GULP1: variants seen among roughly 807,000 people sequenced by gnomAD.
The protein encoded by GULP1 is GULP PTB domain containing engulfment adaptor 1.
A neutral mutation model predicts 40.9 loss-of-function variants in GULP1; 19 were observed. The observed-to-expected ratio is 0.46, with a 90% confidence interval of 0.32 to 0.68. The LOEUF is 0.68. Among genes scored for constraint, GULP1 ranks in the 30% least tolerant of loss-of-function variants. The probability of loss-of-function intolerance (pLI) is 0.03; values close to 1 mark genes in which losing one functional copy is unlikely to be tolerated. For missense variants in GULP1, 312 were observed against 362.2 expected (o/e 0.86, Z 1.12); for synonymous variants, 119 against 117.6 (o/e 1.01, Z -0.08).
intron 11 of GULP1, chr2:188,590,856 A>G (rs561593866): frequency 6.6e-5 from 10 of 152,286 alleles, no homozygotes; most frequent in Non-Finnish European, 1.2e-4. Flanking sequence ...TCAGCTAGCT[A>G]GTACTCTGGG....
At chr2:188,487,670 G>T (rs1417648088) in intron 4 of GULP1, among the ~76,000 whole-genome samples, 1 of 151,856 alleles carries the variant, frequency 6.6e-6, no homozygotes, top group Non-Finnish European at 1.5e-5. Flanking sequence ...TCAAAACCAT[G>T]TCAGGGAGTT....
At chr2:188,366,800 A>C (rs2046861613) in intron 1 of GULP1, among the ~76,000 whole-genome samples, 1 of 151,950 alleles carries the variant, frequency 6.6e-6, no homozygotes. Context: ...TCACCGTGTT[A>C]GCCAGGATGG....
chr2:188,531,663 A>G (rs1318369608), intron 6 of GULP1, among the ~76,000 whole-genome samples: 1 of 152,224 alleles, frequency 6.6e-6, no homozygotes, highest in Non-Finnish European at 1.5e-5. Context: ...TGATTCAAGC[A>G]TATAATGGGA....
chr2:188,426,007 C>T (rs958460019), intron 2 of GULP1, among the ~76,000 whole-genome samples: 1 of 152,070 alleles, frequency 6.6e-6, no homozygotes, highest in Non-Finnish European at 1.5e-5. Flanking sequence ...TCTCAGGAAG[C>T]CCTAAGAACA....
chr2:188,575,211 T>A (rs1699930136), intron 9 of GULP1, among the ~76,000 whole-genome samples: 1 of 152,210 alleles, frequency 6.6e-6, no homozygotes, highest in Admixed American at 6.5e-5. Context: ...TTCTTAGTAG[T>A]AGACCGTATG....
At chr2:188,567,669 G>A (rs1457860609) in intron 7 of GULP1, among the ~76,000 whole-genome samples, 1 of 151,984 alleles carries the variant, frequency 6.6e-6, no homozygotes, top group Non-Finnish European at 1.5e-5. Flanking sequence ...GGAACTTAGA[G>A]GATGGGTCAA....
At chr2:188,320,720 A>G (rs1045912988) in intron 1 of GULP1, among the ~76,000 whole-genome samples, 4 of 152,148 alleles carry the variant, frequency 2.6e-5, no homozygotes, top group Non-Finnish European at 4.4e-5. Context: ...ATCCTTCAAC[A>G]TTCATCTTCT....
chr2:188,380,775 A>G (rs13387350), intron 1 of GULP1, among the ~76,000 whole-genome samples: 27,066 of 152,060 alleles, frequency 0.18, 2,474 homozygotes, highest in East Asian at 0.25. Flanking sequence ...TATGATGACA[A>G]GTAGAAATAC....
Position 188,587,846 on chromosome 2 carries a change from T to C in GULP1, c.749-9T>C. ...TATTTCATTTACTAAATTATTTCCT[T>C]CCTTGCAGAACGGGACCTGTTTGGA... On this transcript the variant is annotated splice_polypyrimidine_tract_variant and intron_variant, in intron 10 of 11. Coordinates refer to ENST00000409830, the MANE Select transcript of GULP1 (RefSeq NM_016315.4). The C allele has an allele frequency of 6.6e-7, 1 of 1,512,664 alleles. No homozygotes were observed. Among genetic ancestry groups the C allele is most frequent in the Non-Finnish European group, 9.1e-7 (1 of 1,095,722 alleles). 93.7% of individuals were successfully genotyped at this position (1,512,664 alleles called of 1,614,324 possible). A position where few individuals can be genotyped will look rare whatever the true frequency, so the allele number is the denominator to read the frequency against.
chr2:188,372,484 G>A (rs1241353080), intron 1 of GULP1, among the ~76,000 whole-genome samples: 1 of 152,018 alleles, frequency 6.6e-6, no homozygotes, highest in African/African-American at 2.4e-5. Flanking sequence ...TGCCTTTTCA[G>A]CATGTCATAA....
At chr2:188,431,446 A>G (rs973881801) in intron 2 of GULP1, among the ~76,000 whole-genome samples, 4 of 152,200 alleles carry the variant, frequency 2.6e-5, no homozygotes, top group Admixed American at 1.3e-4. Flanking sequence ...CTGAACTTTT[A>G]AAATATCAAT....
intron 2 of GULP1, among the ~76,000 whole-genome samples, chr2:188,395,480 C>T (rs1302437953): frequency 6.6e-6 from 1 of 152,150 alleles, no homozygotes; most frequent in East Asian, 1.9e-4. Context: ...AAAACAAGTC[C>T]TCTTCTCCAA....
intron 1 of GULP1, among the ~76,000 whole-genome samples, chr2:188,366,894 C>T (rs2046879790): frequency 6.6e-6 from 1 of 151,798 alleles, no homozygotes. Context: ...TGCCTGGCCC[C>T]AATTTGTTAA....
intron 1 of GULP1, among the ~76,000 whole-genome samples, chr2:188,310,699 G>C (rs193094208): frequency 3.3e-5 from 5 of 152,260 alleles, no homozygotes; most frequent in South Asian, 2.1e-4. Context: ...CCTCAGCCTG[G>C]AGATGACTGT....
chr2:188,364,631 GA>G, intron 1 of GULP1, among the ~76,000 whole-genome samples: 1 of 151,904 alleles, frequency 6.6e-6, no homozygotes, highest in East Asian at 1.9e-4. Flanking sequence ...GAGGGGAGAT[GA>G]GAATCTCATT....
At chr2:188,349,504 A>G (rs1016964683) in intron 1 of GULP1, among the ~76,000 whole-genome samples, 1 of 152,176 alleles carries the variant, frequency 6.6e-6, no homozygotes, top group Non-Finnish European at 1.5e-5. Context: ...GATATTGGAT[A>G]TCTTTTCATG....
chr2:188,567,208 TG>T (rs1697928629), intron 7 of GULP1, among the ~76,000 whole-genome samples: 1 of 152,188 alleles, frequency 6.6e-6, no homozygotes, highest in Non-Finnish European at 1.5e-5. Context: ...TCAGTTATTG[TG>T]GAAGACAGTG....
At chr2:188,534,432 T>TATACTGGGTACTC (rs1385307249) in intron 6 of GULP1, among the ~76,000 whole-genome samples, 14 of 151,972 alleles carry the variant, frequency 9.2e-5, no homozygotes, top group Non-Finnish European at 1.8e-4. Context: ...AGTGGGTACT[T>TATACTGGGTACTC]ATACTGGGTA....
chr2:188,411,634 A>G (rs2053898339), intron 2 of GULP1, among the ~76,000 whole-genome samples: 1 of 152,164 alleles, frequency 6.6e-6, no homozygotes, highest in Admixed American at 6.5e-5. Context: ...GTTTTTAACC[A>G]CTAAGAGAAT....
Sources: gnomAD v4.1 joint callset for allele counts (sites outside exome capture counted in the v4.1 genomes callset) on GRCh38, gnomAD v4.1.1 for gene constraint, MANE v1.5 for transcripts, NCBI Gene and HGNC (gene_info 2026-07-23, HGNC 2026-07-21) for gene names.